SMYD3: variants seen among roughly 807,000 people sequenced by gnomAD.
SMYD3 encodes the protein histone-lysine N-methyltransferase SMYD3.
A neutral mutation model predicts 57.7 loss-of-function variants in SMYD3; 36 were observed. That is an observed-to-expected ratio of 0.62 (90% CI 0.48 to 0.82). The LOEUF (loss-of-function observed/expected upper bound fraction) is 0.82. Ranked by LOEUF, SMYD3 falls within the 40% of genes least tolerant of loss-of-function variation. The pLI is 0.00. For missense variants in SMYD3, 515 were observed against 538.8 expected, an observed-to-expected ratio of 0.96 and a Z score of 0.44; for synonymous variants, 211 against 195.0, an observed-to-expected ratio of 1.08 and a Z score of -0.68.
intron 5 of SMYD3, among the ~76,000 whole-genome samples, chr1:246,162,011 G>A (rs763965109): frequency 2.0e-5 from 3 of 152,316 alleles, no homozygotes; most frequent in Non-Finnish European, 2.9e-5. Context: ...AGAGGACAGC[G>A]TGGCAGAGCT....
intron 1 of SMYD3, among the ~76,000 whole-genome samples, chr1:246,466,558 G>A (rs11802599): frequency 0.59 from 89,355 of 152,062 alleles, 27,821 homozygotes; most frequent in African/African-American, 0.8. Context: ...AGAGGATCAG[G>A]AAATATAACT....
intron 8 of SMYD3, among the ~76,000 whole-genome samples, chr1:245,883,410 A>G (rs1307970755): frequency 6.6e-6 from 1 of 152,218 alleles, no homozygotes; most frequent in Non-Finnish European, 1.5e-5. Context: ...ACATCCCGTA[A>G]TTATTTTGCT....
chr1:246,070,929 T>C (rs1422810380), intron 5 of SMYD3, among the ~76,000 whole-genome samples: 1 of 152,232 alleles, frequency 6.6e-6, no homozygotes, highest in Non-Finnish European at 1.5e-5. Flanking sequence ...AAGTCATTAA[T>C]TGGCAACCAT....
chr1:246,507,008 C>CCCCCCCCCA, intron 1 of SMYD3, 46 bp downstream of exon 1: 1 of 1,338,160 alleles, frequency 7.5e-7, no homozygotes, highest in Non-Finnish European at 9.9e-7. Context: ...TCCCCAGCAC[C>CCCCCCCCCA]CCACACAGCT....
At chr1:246,395,205 C>T (rs983659595) in intron 1 of SMYD3, among the ~76,000 whole-genome samples, 2 of 152,224 alleles carry the variant, frequency 1.3e-5, no homozygotes, top group African/African-American at 4.8e-5. Context: ...TCTATTTTTA[C>T]CACTATCCCC....
chr1:245,809,990 C>A (rs1268883410), intron 10 of SMYD3, among the ~76,000 whole-genome samples: 1 of 152,170 alleles, frequency 6.6e-6, no homozygotes, highest in East Asian at 1.9e-4. Context: ...ACCACTGGAG[C>A]CAAGATTTTG....
intron 5 of SMYD3, among the ~76,000 whole-genome samples, chr1:246,063,994 C>A (rs1010902835): frequency 1.3e-5 from 2 of 152,176 alleles, no homozygotes; most frequent in Non-Finnish European, 2.9e-5. Flanking sequence ...CTTTTCTGCA[C>A]AGCGACTAGG....
intron 5 of SMYD3, among the ~76,000 whole-genome samples, chr1:246,127,045 A>G (rs1453641409): frequency 6.6e-6 from 1 of 152,208 alleles, no homozygotes; most frequent in Non-Finnish European, 1.5e-5. Flanking sequence ...GAAACCGTAG[A>G]GAGCGGATTC....
intron 4 of SMYD3, 123 bp from the exon 5 acceptor site, chr1:246,327,460 G>A (rs1488274786): frequency 2.5e-6 from 2 of 815,348 alleles, no homozygotes; most frequent in Non-Finnish European, 1.9e-6. Context: ...TTGACAAAGA[G>A]CAAATACATA....
intron 10 of SMYD3, among the ~76,000 whole-genome samples, chr1:245,857,814 C>T (rs1290616626): frequency 6.6e-6 from 1 of 152,148 alleles, no homozygotes. Context: ...CCACCAGCGC[C>T]TAACTCTCAG....
At chr1:246,404,274 C>A (rs10924721) in intron 1 of SMYD3, among the ~76,000 whole-genome samples, 7,635 of 152,288 alleles carry the variant, frequency 0.05, 668 homozygotes, top group African/African-American at 0.17. Flanking sequence ...AAGATCCCAT[C>A]TGTGCTGACT....
chr1:246,125,032 A>C (rs1052954922), intron 5 of SMYD3, among the ~76,000 whole-genome samples: 5 of 148,336 alleles, frequency 3.4e-5, no homozygotes, highest in Middle Eastern at 3.2e-3. Context: ...AGATCGCGCC[A>C]CTGCACTCCA....
chr1:246,297,729 A>G (rs968830763), intron 5 of SMYD3, among the ~76,000 whole-genome samples: 1 of 152,188 alleles, frequency 6.6e-6, no homozygotes, highest in Non-Finnish European at 1.5e-5. Flanking sequence ...GATTCACTGT[A>G]TTGACCAGAG....
intron 5 of SMYD3, among the ~76,000 whole-genome samples, chr1:246,284,597 T>C (rs2064520946): frequency 6.6e-6 from 1 of 151,998 alleles, no homozygotes; most frequent in Non-Finnish European, 1.5e-5. Flanking sequence ...TTTGTATTTT[T>C]AGTAGAGACG....
At chr1:245,818,152 A>G (rs371589274) in intron 10 of SMYD3, among the ~76,000 whole-genome samples, 4 of 152,096 alleles carry the variant, frequency 2.6e-5, no homozygotes, top group Non-Finnish European at 5.9e-5. Context: ...AGAGAGAAAG[A>G]TCGGGTTACC....
chr1:246,502,865 G>A (rs1020520967), intron 1 of SMYD3, among the ~76,000 whole-genome samples: 5 of 152,042 alleles, frequency 3.3e-5, no homozygotes, highest in African/African-American at 9.7e-5. Flanking sequence ...TTGTCATGAC[G>A]CCAGCTGTTC....
At chr1:246,405,005 G>A (rs1437313980) in intron 1 of SMYD3, among the ~76,000 whole-genome samples, 1 of 152,142 alleles carries the variant, frequency 6.6e-6, no homozygotes, top group Non-Finnish European at 1.5e-5. Context: ...AGGCTGAAGT[G>A]CAATAGTGCA....
chr1:246,013,738 C>A (rs2059327722), intron 5 of SMYD3, among the ~76,000 whole-genome samples: 1 of 152,054 alleles, frequency 6.6e-6, no homozygotes, highest in African/African-American at 2.4e-5. Flanking sequence ...GTATAAAAGT[C>A]AATGAGCACA....
intron 5 of SMYD3, among the ~76,000 whole-genome samples, chr1:245,939,396 C>A (rs10924394): frequency 1.4e-4 from 21 of 151,978 alleles, no homozygotes; most frequent in African/African-American, 5.1e-4. Flanking sequence ...GAGGCCAAGG[C>A]GGGTGGATCA....
Sources: gnomAD v4.1 joint callset for allele counts (sites outside exome capture counted in the v4.1 genomes callset) on GRCh38, gnomAD v4.1.1 for gene constraint, MANE v1.5 for transcripts, NCBI Gene and HGNC (gene_info 2026-07-23, HGNC 2026-07-21) for gene names.